CDK11B: variants seen among roughly 807,000 people sequenced by gnomAD.
The protein encoded by CDK11B is cyclin dependent kinase 11B, also known as cyclin-dependent kinase 11B.
Under a neutral mutation model 84.0 loss-of-function variants are expected in CDK11B, and 37 were observed. The observed-to-expected ratio is 0.44, with a 90% CI of 0.34 to 0.58. The LOEUF (loss-of-function observed/expected upper bound fraction) is 0.58. CDK11B is among the 20% of genes least tolerant of loss of function. The pLI is 0.02. For missense variants in CDK11B, 427 were observed against 834.0 expected, an observed-to-expected ratio of 0.51 and a Z score of 6.01; for synonymous variants, 269 against 309.8, an observed-to-expected ratio of 0.87 and a Z score of 1.38.
chr1:1,638,129 C>T (rs1247966078), intron 12 of CDK11B, among the ~76,000 whole-genome samples: 5 of 152,068 alleles, frequency 3.3e-5, no homozygotes, highest in South Asian at 2.1e-4. Flanking sequence ...GGGATCCCAG[C>T]GGCCACGCCG....
intron 3 of CDK11B, among the ~76,000 whole-genome samples, chr1:1,654,632 C>T (rs1233966659): frequency 6.7e-6 from 1 of 149,644 alleles, no homozygotes; most frequent in African/African-American, 2.5e-5. Context: ...TTTCAGCATT[C>T]TACTTTATTT....
intron 3 of CDK11B, among the ~76,000 whole-genome samples, chr1:1,654,400 G>A (rs978705167): frequency 6.6e-6 from 1 of 152,186 alleles, no homozygotes; most frequent in African/African-American, 2.4e-5. Flanking sequence ...TGATGACCAT[G>A]AGGGGCACCT....
intron 3 of CDK11B, among the ~76,000 whole-genome samples, chr1:1,654,866 G>C (rs970975054): frequency 2.3e-4 from 34 of 149,490 alleles, no homozygotes; most frequent in Non-Finnish European, 4.5e-4. Context: ...CACTGTGTTA[G>C]CCAGGATGGT....
chr1:1,649,399 C>T lies in CDK11B; in HGVS notation c.494+100G>A. ...TACAGGCGTGAGCCACCACACCTGG[C>T]TCAGATGTGACTTCTATTGCCAAAT... is the stretch of plus-strand genomic sequence containing the variant. On this transcript the variant is annotated intron_variant, in intron 5 of 19. Coordinates refer to ENST00000341832, the MANE Select transcript of CDK11B (RefSeq NM_033486.3). 6 of 919,606 alleles carry T rather than the reference C, an allele frequency of 6.5e-6. No individual in the cohort carries two copies. The South Asian group carries it at 8.8e-5, about 13-fold the overall frequency. 57.0% of individuals were successfully genotyped at this position (919,606 alleles called of 1,614,324 possible). A position where few individuals can be genotyped will look rare whatever the true frequency, so the allele number is the denominator to read the frequency against.
chr1:1,637,017 A>G lies in CDK11B; in HGVS notation c.1693-13T>C. 6.2e-7 allele frequency: 1 copy of G among 1,612,996 alleles called. No individual in the cohort carries two copies. The highest frequency in any genetic ancestry group is 8.5e-7 in the Non-Finnish European group (1 of 1,179,556). ...CGAAGTCACCCACCTGCAACGACAG[A>G]TGGGCGGCTGTGAGTGGGCCCCGGC... On this transcript the variant is annotated splice_polypyrimidine_tract_variant and intron_variant, in intron 15 of 19. Coordinates refer to ENST00000341832, the MANE Select transcript of CDK11B (RefSeq NM_033486.3).
chr1:1,655,773 T>A (rs536118741), intron 2 of CDK11B, among the ~76,000 whole-genome samples: 11 of 151,900 alleles, frequency 7.2e-5, no homozygotes, highest in African/African-American at 2.7e-4. Context: ...AATACAAAAA[T>A]TAGCTGGGCG....
chr1:1,637,903 G>T lies in CDK11B; in HGVS notation c.1343-20C>A. On this transcript the variant is annotated intron_variant, in intron 12 of 19. Coordinates refer to ENST00000341832, the MANE Select transcript of CDK11B (RefSeq NM_033486.3). ...TTTCATCTGTGAAGAAAATACAGAC[G>T]GCACTGAGAGGCATTCTCAAAGTCA... 6.2e-7 allele frequency: 1 copy of T among 1,612,838 alleles called. No individual in the cohort carries two copies. Among genetic ancestry groups the T allele is most frequent in the Non-Finnish European group, 8.5e-7 (1 of 1,179,260 alleles).
intron 11 of CDK11B, 125 bp from the exon 12 acceptor site, chr1:1,638,715 G>A (rs1460195898): frequency 2.1e-6 from 2 of 947,892 alleles, no homozygotes; most frequent in Non-Finnish European, 3.4e-6. Context: ...GACTGGGCCG[G>A]GGGTGGAGCC....
intron 11 of CDK11B, among the ~76,000 whole-genome samples, chr1:1,639,493 C>T (rs991968686): frequency 6.6e-5 from 10 of 151,922 alleles, no homozygotes; most frequent in Non-Finnish European, 8.8e-5. Context: ...ACACTGAGGA[C>T]GGGCCCTACC....
rs1202846400 is a variant in CDK11B at position 1,636,359 on chromosome 1, TGA to T, written c.2038_2039del (p.Ser680ArgfsTer22). The T allele has an allele frequency of 6.3e-7, 1 of 1,590,862 alleles. No homozygotes were observed. ...NLRKRFGALL[S>X]DQGFDLMNKF... ...TGTTCATGAGGTCGAAGCCCTGGTC[TGA>T]GAGCAGAGCCCCGAAGCGCTTGCGG... On this transcript the variant is annotated frameshift_variant, in exon 18 of 20. Coordinates refer to ENST00000341832, the MANE Select transcript of CDK11B (RefSeq NM_033486.3). LOFTEE classifies it high-confidence loss of function.
chr1:1,638,802 G>A (rs1639793396), intron 11 of CDK11B, among the ~76,000 whole-genome samples: 1 of 152,066 alleles, frequency 6.6e-6, no homozygotes, highest in Non-Finnish European at 1.5e-5. Flanking sequence ...AAACCAGTGT[G>A]AACAAAAGGC....
chr1:1,655,796 C>A (rs1642668359), intron 2 of CDK11B, among the ~76,000 whole-genome samples: 2 of 152,054 alleles, frequency 1.3e-5, no homozygotes, highest in Admixed American at 1.3e-4. Context: ...GTGACCGGAA[C>A]TGCTTGAACC....
At chr1:1,640,240 A>G in intron 11 of CDK11B, 37 bp downstream of exon 11, 8 of 1,609,424 alleles carry the variant, frequency 5.0e-6, no homozygotes, top group Non-Finnish European at 6.8e-6. Context: ...CCGACTGCCA[A>G]TGCGGACAGT....
chr1:1,654,848 CG>C (rs1557721866), intron 3 of CDK11B, among the ~76,000 whole-genome samples: 2 of 150,594 alleles, frequency 1.3e-5, no homozygotes, highest in African/African-American at 4.9e-5. Flanking sequence ...TTAGTAGAGA[CG>C]GGGTTTCACT....
chr1:1,650,769 C>G (rs1452707269), intron 4 of CDK11B, among the ~76,000 whole-genome samples: 8 of 149,148 alleles, frequency 5.4e-5, no homozygotes, highest in Non-Finnish European at 1.0e-4. Flanking sequence ...GCTGGGATTA[C>G]AGGCCTGGGC....
At chr1:1,656,725 G>A (rs1411006598) in intron 2 of CDK11B, among the ~76,000 whole-genome samples, 10 of 152,116 alleles carry the variant, frequency 6.6e-5, no homozygotes, top group African/African-American at 1.7e-4. Flanking sequence ...GGCCCTGGGC[G>A]ACAGTGCGAG....
chr1:1,636,518 G>A, intron 17 of CDK11B, 37 bp from the exon 18 acceptor site: 1 of 1,599,660 alleles, frequency 6.3e-7, no homozygotes, highest in Non-Finnish European at 8.5e-7. Context: ...CACACCAAGT[G>A]GCCCACAGTG....
chr1:1,650,361 CTTT>C (rs1167345235), intron 4 of CDK11B, among the ~76,000 whole-genome samples: 3 of 121,202 alleles, frequency 2.5e-5, no homozygotes, highest in African/African-American at 6.9e-5. Context: ...CCTAATTTTT[CTTT>C]TTTTTCTTTT....
rs1316411114 is a variant in CDK11B at position 1,652,205 on chromosome 1, C to T, written c.355+234G>A. Among the ~76,000 whole-genome samples the T allele has an allele frequency of 1.4e-3, 210 of 151,848 alleles. 1 individual carries two copies. Among genetic ancestry groups the T allele is most frequent in the African/African-American group, 4.6e-3 (190 of 41,372 alleles). On this transcript the variant is annotated intron_variant, in intron 4 of 19. Transcript: ENST00000341832. ...TTTCTGGTTTTCGGTCTGTGACACA[C>T]GCATGCTTTCAGCTAGAGTTTGCTC...
Sources: allele counts gnomAD v4.1 joint callset (sites outside exome capture counted in the v4.1 genomes callset), GRCh38; gene constraint gnomAD v4.1.1; transcripts MANE v1.5; gene names NCBI Gene and HGNC (gene_info 2026-07-23, HGNC 2026-07-21).